GABRG3: variants seen among roughly 807,000 people sequenced by gnomAD.
GABRG3 encodes the protein gamma-aminobutyric acid type A receptor subunit gamma3, also known as gamma-aminobutyric acid receptor subunit gamma-3.
GABRG3 carries 25 observed loss-of-function variants against 48.8 expected under a neutral mutation model. The ratio of observed to expected loss-of-function variants is 0.51; its 90% CI spans 0.37 to 0.72. The LOEUF (loss-of-function observed/expected upper bound fraction) is 0.72, where lower values mean the gene tolerates loss of function less well. Ranked by LOEUF, GABRG3 falls within the 30% of genes least tolerant of loss-of-function variation. The pLI, the probability that GABRG3 is intolerant of heterozygous loss-of-function variation, is 0.00. For missense variants in GABRG3, 394 were observed against 577.9 expected (o/e 0.68, Z 3.26); for synonymous variants, 227 against 217.6 (o/e 1.04, Z -0.38).
chr15:27,139,871 G>T (rs1898073281), intron 3 of GABRG3, among the ~76,000 whole-genome samples: 1 of 152,172 alleles, frequency 6.6e-6, no homozygotes, highest in Non-Finnish European at 1.5e-5. Flanking sequence ...CCACTGGGGA[G>T]CAGAAAGAGA....
intron 3 of GABRG3, among the ~76,000 whole-genome samples, chr15:27,125,376 G>A (rs1897802191): frequency 6.6e-6 from 1 of 151,990 alleles, no homozygotes; most frequent in Non-Finnish European, 1.5e-5. Context: ...GGTGGGGAGA[G>A]GTTTGTTAAT....
chr15:27,168,215 G>C (rs898787269), intron 3 of GABRG3, among the ~76,000 whole-genome samples: 6 of 152,040 alleles, frequency 3.9e-5, no homozygotes, highest in African/African-American at 1.2e-4. Context: ...TGGGGGAGCA[G>C]CTGGAGTTGA....
intron 3 of GABRG3, among the ~76,000 whole-genome samples, chr15:27,247,777 G>C (rs983789532): frequency 6.6e-6 from 1 of 152,194 alleles, no homozygotes; most frequent in African/African-American, 2.4e-5. Context: ...GAGAGAATGA[G>C]AGCAAAGTAA....
intron 3 of GABRG3, among the ~76,000 whole-genome samples, chr15:27,302,685 A>C (rs1433604561): frequency 6.6e-6 from 1 of 152,050 alleles, no homozygotes; most frequent in Non-Finnish European, 1.5e-5. Context: ...AGCAGAAGGC[A>C]CAAGTGCCCA....
At chr15:27,122,574 T>C (rs1255533865) in intron 3 of GABRG3, among the ~76,000 whole-genome samples, 1 of 152,124 alleles carries the variant, frequency 6.6e-6, no homozygotes, top group African/African-American at 2.4e-5. Context: ...ATAAAAGCAA[T>C]TGAGAGAGAA....
chr15:27,088,248 G>GGCGGGC (rs1256044850), intron 3 of GABRG3, among the ~76,000 whole-genome samples: 1 of 128,726 alleles, frequency 7.8e-6, no homozygotes, highest in Non-Finnish European at 1.8e-5. Context: ...GAGTGCTCGG[G>GGCGGGC]GCGGGCGCGG....
At chr15:27,075,983 A>G (rs1420768099) in intron 3 of GABRG3, among the ~76,000 whole-genome samples, 5 of 152,184 alleles carry the variant, frequency 3.3e-5, no homozygotes, top group South Asian at 2.1e-4. Context: ...TTTGCGCAGC[A>G]TGTGAGTTTC....
chr15:27,339,803 T>A (rs1209948361), intron 5 of GABRG3, among the ~76,000 whole-genome samples: 1 of 152,224 alleles, frequency 6.6e-6, no homozygotes, highest in African/African-American at 2.4e-5. Flanking sequence ...ATAGCATTGA[T>A]AAGAGACGCC....
At chr15:27,032,539 G>A (rs1037527234) in intron 3 of GABRG3, among the ~76,000 whole-genome samples, 1 of 152,138 alleles carries the variant, frequency 6.6e-6, no homozygotes, top group Admixed American at 6.5e-5. Flanking sequence ...GAGGTGAAGG[G>A]GGAGCCAGCT....
chr15:27,431,992 T>C (rs1364838621), intron 5 of GABRG3, among the ~76,000 whole-genome samples: 1 of 152,180 alleles, frequency 6.6e-6, no homozygotes, highest in African/African-American at 2.4e-5. Flanking sequence ...CATTCCATTG[T>C]GGTTGGAGAA....
chr15:27,346,101 A>G (rs1293919103), intron 5 of GABRG3, among the ~76,000 whole-genome samples: 15 of 134,564 alleles, frequency 1.1e-4, no homozygotes, highest in African/African-American at 2.8e-4. Flanking sequence ...AAAGAAAGGA[A>G]AGAAAGAGAA....
rs1395221813 is a variant in GABRG3, at chr15:27,540,940, A to AACAAGTAATAC, written c.*8059_*8060insACAAGTAATAC. 1 of 152,256 alleles carries AACAAGTAATAC rather than the reference A, an allele frequency of 6.6e-6. No homozygotes were observed. 9.4% of individuals were successfully genotyped at this position (152,256 alleles called of 1,614,324 possible). A position where few individuals can be genotyped will look rare whatever the true frequency, so the allele number is the denominator to read the frequency against. On this transcript the variant is annotated 3_prime_UTR_variant, in exon 10 of 10. Coordinates refer to ENST00000615808, the MANE Select transcript of GABRG3 (RefSeq NM_033223.5). ...AGCTGAAACAAGTAGAAAGGAGCGC[A>AACAAGTAATAC]GTTTTCTAGCGATAGCGTATTAGCA...
At chr15:27,100,217 CA>C (rs36148252) in intron 3 of GABRG3, among the ~76,000 whole-genome samples, 26,746 of 130,178 alleles carry the variant, frequency 0.21, 2,154 homozygotes, top group East Asian at 0.3. Flanking sequence ...GACCCTGTCT[CA>C]AAAAAAAAAA....
At chr15:27,123,843 A>G (rs1897772861) in intron 3 of GABRG3, among the ~76,000 whole-genome samples, 1 of 152,120 alleles carries the variant, frequency 6.6e-6, no homozygotes, top group Admixed American at 6.5e-5. Flanking sequence ...GCAAAAGGGG[A>G]AGCCGAGGCC....
At chr15:27,060,633 C>T (rs577820611) in intron 3 of GABRG3, among the ~76,000 whole-genome samples, 11 of 152,270 alleles carry the variant, frequency 7.2e-5, no homozygotes, top group East Asian at 1.9e-4. Flanking sequence ...CTATTTCTGA[C>T]GAGTCCCTGC....
In GABRG3 at chr15:27,328,121, A is replaced by G. The variant is rs1379942307; in HGVS notation, c.492-685A>G. On this transcript the variant is annotated intron_variant, in intron 4 of 9. Coordinates refer to ENST00000615808, the MANE Select transcript of GABRG3 (RefSeq NM_033223.5). Reference sequence around the variant, plus strand: ...TTACAGCAAAAACAAACAAACAAAAAAAAAAACCAAAAAAAAAAAACACGC... The same window carrying G: ...TTACAGCAAAAACAAACAAACAAAAGAAAAAACCAAAAAAAAAAAACACGC... Among the ~76,000 whole-genome samples the G allele has an allele frequency of 5.6e-5, 8 of 143,326 alleles. No homozygotes were observed. In the South Asian group the frequency reaches 8.5e-4, roughly 15 times the overall value. The allele number at this position is 143,326 out of a possible 152,430, so 94.0% of individuals were successfully genotyped here. A position where few individuals can be genotyped will look rare whatever the true frequency, so the allele number is the denominator to read the frequency against.
chr15:27,126,251 A>G (rs1295499150), intron 3 of GABRG3, among the ~76,000 whole-genome samples: 1 of 152,196 alleles, frequency 6.6e-6, no homozygotes, highest in Non-Finnish European at 1.5e-5. Context: ...GATAAATCAT[A>G]TTATCACCTT....
At chr15:27,120,915 A>G (rs537490195) in intron 3 of GABRG3, among the ~76,000 whole-genome samples, 45 of 152,282 alleles carry the variant, frequency 3.0e-4, no homozygotes, top group African/African-American at 1.1e-3. Context: ...GACTTTGCTC[A>G]TTTTAAAAAT....
chr15:27,241,546 T>A (rs1381380261), intron 3 of GABRG3, among the ~76,000 whole-genome samples: 1 of 152,220 alleles, frequency 6.6e-6, no homozygotes, highest in Non-Finnish European at 1.5e-5. Context: ...CACGCTCACA[T>A]TTAGCATGCA....
Sources: allele counts gnomAD v4.1 joint callset (sites outside exome capture counted in the v4.1 genomes callset), GRCh38; gene constraint gnomAD v4.1.1; transcripts MANE v1.5; gene names NCBI Gene and HGNC (gene_info 2026-07-23, HGNC 2026-07-21).